The following EXOC4 variants were observed in gnomAD, a reference collection of about 807,000 sequenced individuals.
EXOC4 encodes the protein exocyst complex component 4.
EXOC4 carries 71 observed loss-of-function variants against 107.2 expected under a neutral mutation model. The ratio of observed to expected loss-of-function variants is 0.66; its 90% CI spans 0.55 to 0.81. The LOEUF (loss-of-function observed/expected upper bound fraction) is 0.81. Among genes scored for constraint, EXOC4 ranks in the 30% least tolerant of loss-of-function variants. The pLI, the probability that EXOC4 is intolerant of heterozygous loss-of-function variation, is 0.00. For missense variants in EXOC4, 1,108 were observed against 1,189.6 expected, an observed-to-expected ratio of 0.93 and a Z score of 1.01; for synonymous variants, 456 against 441.2, an observed-to-expected ratio of 1.03 and a Z score of -0.42.
intron 9 of EXOC4, among the ~76,000 whole-genome samples, chr7:133,498,313 C>T (rs1239828898): frequency 2.0e-4 from 30 of 151,980 alleles, no homozygotes; most frequent in African/African-American, 6.5e-4. Flanking sequence ...CGGCTGGGCA[C>T]GGTGGCTCAC....
chr7:133,651,155 G>C (rs773121047), intron 10 of EXOC4, among the ~76,000 whole-genome samples: 3 of 151,880 alleles, frequency 2.0e-5, no homozygotes, highest in Non-Finnish European at 4.4e-5. Flanking sequence ...GTAATAAAAC[G>C]TCCCTTTCTA....
At chr7:133,810,500 A>C (rs891244639) in intron 10 of EXOC4, among the ~76,000 whole-genome samples, 1 of 152,220 alleles carries the variant, frequency 6.6e-6, no homozygotes, top group South Asian at 2.1e-4. Flanking sequence ...GCATATGTAC[A>C]TACATTTAGA....
At chr7:133,823,408 GT>G (rs1797572353) in intron 11 of EXOC4, among the ~76,000 whole-genome samples, 1 of 152,124 alleles carries the variant, frequency 6.6e-6, no homozygotes, top group Non-Finnish European at 1.5e-5. Flanking sequence ...TTGGGCATCA[GT>G]GTTTGGTATG....
At chr7:134,012,848 G>T (rs1245688223) in intron 17 of EXOC4, among the ~76,000 whole-genome samples, 1 of 152,170 alleles carries the variant, frequency 6.6e-6, no homozygotes, top group Non-Finnish European at 1.5e-5. Flanking sequence ...CAACAGAATA[G>T]GAAGGTAGCT....
chr7:133,329,596 A>G (rs1486112723), intron 5 of EXOC4, among the ~76,000 whole-genome samples: 2 of 152,156 alleles, frequency 1.3e-5, no homozygotes, highest in Non-Finnish European at 2.9e-5. Flanking sequence ...TGACCTTCAG[A>G]TGGGGTCTCT....
At chr7:133,364,219 C>G (rs370243997) in intron 6 of EXOC4, among the ~76,000 whole-genome samples, 7 of 151,868 alleles carry the variant, frequency 4.6e-5, no homozygotes, top group East Asian at 1.9e-4. Flanking sequence ...GCCTTGACCC[C>G]CCCTGGGCTC....
chr7:133,357,839 CTA>C (rs1796055430), intron 6 of EXOC4, among the ~76,000 whole-genome samples: 1 of 152,078 alleles, frequency 6.6e-6, no homozygotes, highest in African/African-American at 2.4e-5. Flanking sequence ...TTCAAAAGTA[CTA>C]TGTTTGGTGA....
At chr7:133,320,274 T>G (rs1273008022) in intron 5 of EXOC4, among the ~76,000 whole-genome samples, 1 of 152,208 alleles carries the variant, frequency 6.6e-6, no homozygotes, top group Non-Finnish European at 1.5e-5. Flanking sequence ...ACAAATCTGA[T>G]AGCAGTAAAA....
chr7:133,809,794 G>A (rs928328478), intron 10 of EXOC4, among the ~76,000 whole-genome samples: 1 of 152,184 alleles, frequency 6.6e-6, no homozygotes, highest in African/African-American at 2.4e-5. Flanking sequence ...ATATATAAAT[G>A]TACACATTAA....
At chr7:133,599,371 C>G (rs1801754181) in intron 9 of EXOC4, among the ~76,000 whole-genome samples, 1 of 152,146 alleles carries the variant, frequency 6.6e-6, no homozygotes, top group East Asian at 1.9e-4. Flanking sequence ...GTCATAATGT[C>G]CTTGCTGAAT....
At chr7:133,814,523 C>T (rs1020619879) in intron 10 of EXOC4, among the ~76,000 whole-genome samples, 1 of 152,088 alleles carries the variant, frequency 6.6e-6, no homozygotes, top group Non-Finnish European at 1.5e-5. Flanking sequence ...TTAGATATAG[C>T]TCTCAGAAGA....
intron 7 of EXOC4, among the ~76,000 whole-genome samples, chr7:133,403,412 C>G (rs968111841): frequency 6.6e-6 from 1 of 152,132 alleles, no homozygotes; most frequent in Non-Finnish European, 1.5e-5. Context: ...AAACTGCTGG[C>G]GGGCCATCAT....
At chr7:133,403,886 A>G (rs536207380) in intron 7 of EXOC4, among the ~76,000 whole-genome samples, 4 of 152,198 alleles carry the variant, frequency 2.6e-5, no homozygotes, top group Non-Finnish European at 2.9e-5. Flanking sequence ...GTCCCACATC[A>G]GTTACTAAAG....
intron 7 of EXOC4, among the ~76,000 whole-genome samples, chr7:133,445,153 A>G (rs1318653275): frequency 6.6e-6 from 1 of 152,146 alleles, no homozygotes; most frequent in African/African-American, 2.4e-5. Context: ...TTCAGCTTCT[A>G]TCCTGACAAA....
At chr7:133,650,937 G>GTGTTTT (rs1803130151) in intron 10 of EXOC4, among the ~76,000 whole-genome samples, 1 of 88,694 alleles carries the variant, frequency 1.1e-5, no homozygotes, top group Non-Finnish European at 2.2e-5. Context: ...AGATTGGTCA[G>GTGTTTT]TTTTTTTTTT....
intron 9 of EXOC4, among the ~76,000 whole-genome samples, chr7:133,629,427 C>T (rs1246410979): frequency 6.6e-6 from 1 of 152,178 alleles, no homozygotes; most frequent in Non-Finnish European, 1.5e-5. Context: ...AAAATTTTCA[C>T]CTTAACTGAA....
rs1470610079 is a variant in EXOC4, at chr7:134,064,450, G to A, written c.2847G>A (p.Leu949=). The A allele has an allele frequency of 6.2e-7, 1 of 1,608,786 alleles. No homozygotes were observed. The highest frequency in any genetic ancestry group is 2.2e-5 in the East Asian group (1 of 44,598). Residue 949 remains leucine, a synonymous_variant, in exon 18 of 18, where the codon CTG becomes CTA. Coordinates refer to ENST00000253861, the MANE Select transcript of EXOC4 (RefSeq NM_021807.4). ...AACTGACCACCCAGAACACGAGGCT[G>A]CAGAGGCTCAAAGAGATCATCTGCG... is the stretch of plus-strand genomic sequence containing the variant. The part of the protein sequence containing the change: ...VGELTTQNTR[L]QRLKEIICEQ...
chr7:133,697,788 G>A (rs1259563743), intron 10 of EXOC4, among the ~76,000 whole-genome samples: 1 of 152,184 alleles, frequency 6.6e-6, no homozygotes, highest in African/African-American at 2.4e-5. Flanking sequence ...AACCCGACTT[G>A]ATAGGACCAC....
the EXOC4 span, among the ~76,000 whole-genome samples, chr7:134,085,073 A>G: frequency 3.3e-3 from 501 of 152,334 alleles, 2 homozygotes; most frequent in Non-Finnish European, 3.4e-3. Context: ...GCCAAGACTC[A>G]GCTATTGTTA....
Sources: allele counts gnomAD v4.1 joint callset (sites outside exome capture counted in the v4.1 genomes callset), GRCh38; gene constraint gnomAD v4.1.1; transcripts MANE v1.5; gene names NCBI Gene and HGNC (gene_info 2026-07-23, HGNC 2026-07-21).